The following HNMT variants were observed in gnomAD, a reference collection of about 807,000 sequenced individuals.
The protein encoded by HNMT is histamine N-methyltransferase.
HNMT carries 30 observed loss-of-function variants against 32.1 expected under a neutral mutation model. The ratio of observed to expected loss-of-function variants is 0.93; its 90% CI spans 0.70 to 1.27. HNMT has a LOEUF of 1.27. HNMT is among the 50% of genes most tolerant of loss of function. The probability of loss-of-function intolerance (pLI) is 0.00; values close to 1 mark genes in which losing one functional copy is unlikely to be tolerated. For synonymous variants in HNMT, 125 were observed against 119.0 expected, an observed-to-expected ratio of 1.05 and a Z score of -0.33; for missense variants, 327 against 346.0, an observed-to-expected ratio of 0.95 and a Z score of 0.43.
chr2:137,995,205 C>CA (rs556067215), intron 2 of HNMT, among the ~76,000 whole-genome samples: 1,611 of 144,404 alleles, frequency 0.011, 21 homozygotes, highest in African/African-American at 0.035. Flanking sequence ...AAAAACCCTC[C>CA]AAAAAAAAAA....
chr2:137,965,738 T>A (rs1034627116), intron 1 of HNMT, among the ~76,000 whole-genome samples: 12 of 152,172 alleles, frequency 7.9e-5, no homozygotes, highest in Admixed American at 7.9e-4. Context: ...ATTTCTAAAG[T>A]TAAAGGTAAT....
At chr2:137,981,064 A>G (rs1680479726) in intron 2 of HNMT, 1 of 1,022,732 alleles carries the variant, frequency 9.8e-7, no homozygotes, top group South Asian at 2.3e-5. Context: ...GGGAACAAAA[A>G]TGATAATAAT....
chr2:138,000,964 A>G lies in HNMT; in HGVS notation c.237A>G (p.Pro79=), dbSNP rs769228271. The change falls in exon 3 of 6, where the codon CCA becomes CCG. Residue 79 remains proline (P), a synonymous_variant. Coordinates refer to ENST00000280097, the MANE Select transcript of HNMT (RefSeq NM_006895.3). ...QILSKVQAQY[P]GVCINNEVVE... The stretch of plus-strand genomic sequence containing the variant: ...TCTCCAAAGTTCAGGCTCAATACCC[A>G]GGAGTTTGTATCAACAATGAAGTTG... The G allele has an allele frequency of 1.7e-5, 27 of 1,609,420 alleles. No individual in the cohort carries two copies. The highest frequency in any genetic ancestry group is 2.0e-5 in the Non-Finnish European group (24 of 1,177,964).
intron 4 of HNMT, among the ~76,000 whole-genome samples, chr2:138,004,028 C>T (rs1185510664): frequency 2.6e-5 from 4 of 152,070 alleles, no homozygotes; most frequent in Admixed American, 2.0e-4. Context: ...TTCTGTGCAG[C>T]GTCTCTGCCT....
intron 1 of HNMT, chr2:137,967,567 C>T (rs991187513): frequency 6.5e-6 from 1 of 153,956 alleles, no homozygotes; most frequent in Non-Finnish European, 1.4e-5. Context: ...GAAATGGTTC[C>T]TTTTTACCCA....
intron 2 of HNMT, among the ~76,000 whole-genome samples, chr2:137,979,460 G>A (rs972324223): frequency 1.3e-5 from 2 of 151,874 alleles, no homozygotes; most frequent in Non-Finnish European, 2.9e-5. Context: ...CACCCTGTTA[G>A]CCAAGATGGT....
intron 2 of HNMT, among the ~76,000 whole-genome samples, chr2:137,971,334 C>A (rs528547619): frequency 6.6e-6 from 1 of 152,046 alleles, no homozygotes; most frequent in Non-Finnish European, 1.5e-5. Flanking sequence ...CACCAACCAC[C>A]GCACCTGGCT....
intron 2 of HNMT, among the ~76,000 whole-genome samples, chr2:137,972,304 C>A (rs537610144): frequency 6.6e-6 from 1 of 152,058 alleles, no homozygotes. Context: ...AAGGGTTTCA[C>A]CATGTTGGCC....
At chr2:138,011,521 TCTCTTG>T (rs1681503306) in intron 5 of HNMT, among the ~76,000 whole-genome samples, 1 of 152,124 alleles carries the variant, frequency 6.6e-6, no homozygotes, top group South Asian at 2.1e-4. Context: ...TCTTGGTTCA[TCTCTTG>T]AGTTAAATTA....
chr2:137,966,398 T>G (rs1679957841), intron 1 of HNMT, among the ~76,000 whole-genome samples: 1 of 152,300 alleles, frequency 6.6e-6, no homozygotes, highest in South Asian at 2.1e-4. Flanking sequence ...AACATGTTAT[T>G]GTTCTATTTC....
rs1250508807 is a variant in HNMT, at chr2:138,014,642, A to G, written c.*512A>G. 2 of 152,536 alleles carry G rather than the reference A, an allele frequency of 1.3e-5. No individual in the cohort carries two copies. Among genetic ancestry groups the G allele is most frequent in the East Asian group, 3.9e-4 (2 of 5,182 alleles). 9.4% of individuals were successfully genotyped at this position (152,536 alleles called of 1,614,324 possible). ...AGTAAGCACCTTTAGAATATTAAAA[A>G]TTAATTCTTTATCACATGTTGTCAT... is the stretch of plus-strand genomic sequence containing the variant. On this transcript the variant is annotated 3_prime_UTR_variant, in exon 6 of 6. Coordinates refer to ENST00000280097, the MANE Select transcript of HNMT (RefSeq NM_006895.3).
chr2:137,991,569 G>A (rs1443601842), intron 2 of HNMT, among the ~76,000 whole-genome samples: 3 of 152,048 alleles, frequency 2.0e-5, no homozygotes, highest in South Asian at 4.1e-4. Flanking sequence ...TATAATAAAA[G>A]ACTATTAACA....
intron 2 of HNMT, among the ~76,000 whole-genome samples, chr2:137,974,157 C>T (rs1340857102): frequency 4.6e-5 from 7 of 151,944 alleles, no homozygotes; most frequent in African/African-American, 1.5e-4. Flanking sequence ...AAAAACAGAC[C>T]ATGTAGCTTT....
At chr2:137,992,167 G>C (rs918492353) in intron 2 of HNMT, among the ~76,000 whole-genome samples, 2 of 152,228 alleles carry the variant, frequency 1.3e-5, no homozygotes, top group Non-Finnish European at 1.5e-5. Context: ...TTAGCTTCTC[G>C]GTTGGAAGGA....
At chr2:137,986,397 C>A (rs1680652818) in intron 2 of HNMT, among the ~76,000 whole-genome samples, 1 of 152,098 alleles carries the variant, frequency 6.6e-6, no homozygotes, top group Non-Finnish European at 1.5e-5. Context: ...AGTCTCAAAG[C>A]CAGCAGGCCT....
At position 138,014,387 on chromosome 2, in the gene HNMT, C is replaced by T; in HGVS notation, c.*257C>T. 2.9e-6 allele frequency: 1 copy of T among 346,516 alleles called. No homozygotes were observed. The highest frequency in any genetic ancestry group is 5.2e-6 in the Non-Finnish European group (1 of 190,946). The allele number at this position is 346,516 out of a possible 1,614,324, so 21.5% of individuals were successfully genotyped here. A position where few individuals can be genotyped will look rare whatever the true frequency, so the allele number is the denominator to read the frequency against. On this transcript the variant is annotated 3_prime_UTR_variant, in exon 6 of 6. Coordinates refer to ENST00000280097, the MANE Select transcript of HNMT (RefSeq NM_006895.3). ...AACATAAGCTAGAAAAATTAGATGA[C>T]TGAATTTCTATGGCATATTGATAAT...
intron 2 of HNMT, among the ~76,000 whole-genome samples, chr2:137,979,854 T>A (rs1205079065): frequency 1.3e-5 from 2 of 152,096 alleles, no homozygotes; most frequent in African/African-American, 4.8e-5. Context: ...GCATTATTAA[T>A]TTTTAGCCAG....
At chr2:137,991,428 TG>T (rs1680811322) in intron 2 of HNMT, among the ~76,000 whole-genome samples, 1 of 152,232 alleles carries the variant, frequency 6.6e-6, no homozygotes. Context: ...CTCTAGGATA[TG>T]GGACAGGACC....
In HNMT at chr2:137,969,766, A is replaced by G. The variant is rs114664390; in HGVS notation, c.138-399A>G. On this transcript the variant is annotated intron_variant, in intron 1 of 5. Transcript: ENST00000280097. ...CACTTGTTCATTAAAAGGAAGGTTA[A>G]AAAAAGGGGGAGGAAAGAAGGCAAA... Among the ~76,000 whole-genome samples, 934 of 152,212 alleles carry G rather than the reference A, an allele frequency of 6.1e-3. 9 individuals carry two copies. The highest frequency in any genetic ancestry group is 0.022 in the African/African-American group (896 of 41,516).
Sources: gnomAD v4.1 joint callset for allele counts (sites outside exome capture counted in the v4.1 genomes callset) on GRCh38, gnomAD v4.1.1 for gene constraint, MANE v1.5 for transcripts, NCBI Gene and HGNC (gene_info 2026-07-23, HGNC 2026-07-21) for gene names.